The following NME8 variants were observed in gnomAD, a reference collection of about 807,000 sequenced individuals.
NME8 encodes the protein NME/NM23 family member 8.
In NME8, 72 loss-of-function variants were observed where a neutral mutation model predicts 82.3. The ratio of observed to expected loss-of-function variants is 0.87; its 90% confidence interval spans 0.72 to 1.06. NME8 has a LOEUF of 1.06. Ranked by LOEUF, NME8 falls within the 50% of genes least tolerant of loss-of-function variation. The pLI, the probability that NME8 is intolerant of heterozygous loss-of-function variation, is 0.00. For missense variants in NME8, 712 were observed against 685.4 expected (o/e 1.04, Z -0.43); for synonymous variants, 267 against 228.5 (o/e 1.17, Z -1.52).
chr7:37,866,657 G>T (rs1229193593), intron 10 of NME8, among the ~76,000 whole-genome samples: 1 of 152,206 alleles, frequency 6.6e-6, no homozygotes, highest in African/African-American at 2.4e-5. Flanking sequence ...TAGGAGACTA[G>T]TGACTGGGAA....
chr7:37,868,496 C>T (rs1177890093), intron 11 of NME8, among the ~76,000 whole-genome samples: 2 of 152,116 alleles, frequency 1.3e-5, no homozygotes, highest in Non-Finnish European at 2.9e-5. Context: ...CTTCTAAATT[C>T]CTCAGATAAG....
intron 15 of NME8, among the ~76,000 whole-genome samples, chr7:37,889,569 T>C (rs1785097537): frequency 2.6e-5 from 4 of 152,010 alleles, no homozygotes; most frequent in Non-Finnish European, 4.4e-5. Flanking sequence ...TATTGATTAT[T>C]GATAATTAAT....
intron 10 of NME8, among the ~76,000 whole-genome samples, chr7:37,866,043 C>T (rs1784671061): frequency 6.6e-6 from 1 of 151,938 alleles, no homozygotes; most frequent in South Asian, 2.1e-4. Flanking sequence ...CTGCCCCACT[C>T]CTGCCACCTC....
At chr7:37,859,375 C>T (rs906706997) in intron 6 of NME8, among the ~76,000 whole-genome samples, 4 of 152,194 alleles carry the variant, frequency 2.6e-5, no homozygotes, top group Non-Finnish European at 5.9e-5. Flanking sequence ...CCAAACCTTT[C>T]CACTCTATGA....
intron 11 of NME8, among the ~76,000 whole-genome samples, chr7:37,874,183 T>G (rs2598027): frequency 0.45 from 68,827 of 152,024 alleles, 17,738 homozygotes; most frequent in Non-Finnish European, 0.59. Context: ...AAAACAGTTC[T>G]TAACAGTGAA....
chr7:37,898,537 T>C (rs1033918510), intron 17 of NME8, among the ~76,000 whole-genome samples: 5 of 152,188 alleles, frequency 3.3e-5, no homozygotes, highest in Admixed American at 3.3e-4. Flanking sequence ...TATTTAGCCA[T>C]TCAAAGGAAT....
intron 4 of NME8, 41 bp downstream of exon 4, chr7:37,850,476 C>T (rs774819055): frequency 6.2e-7 from 1 of 1,607,156 alleles, no homozygotes; most frequent in South Asian, 1.1e-5. Flanking sequence ...TGGGGTTTGA[C>T]CCGGAGCTCC....
intron 5 of NME8, among the ~76,000 whole-genome samples, chr7:37,853,504 G>A (rs1401056163): frequency 6.6e-6 from 1 of 152,166 alleles, no homozygotes; most frequent in Non-Finnish European, 1.5e-5. Context: ...TATCACAAGT[G>A]TCTAACAGCT....
At chr7:37,888,739 C>T (rs566554729) in intron 15 of NME8, among the ~76,000 whole-genome samples, 8 of 152,088 alleles carry the variant, frequency 5.3e-5, no homozygotes, top group Middle Eastern at 3.4e-3. Context: ...TATATTAGTA[C>T]GGAATATCAT....
At chr7:37,891,061 A>G (rs1389878157) in intron 15 of NME8, among the ~76,000 whole-genome samples, 1 of 151,932 alleles carries the variant, frequency 6.6e-6, no homozygotes, top group East Asian at 1.9e-4. Context: ...TGTATGTTCA[A>G]TAGATATCTT....
At position 37,897,044 on chromosome 7, in the gene NME8, A is replaced by C; in HGVS notation, c.1719A>C (p.Glu573Asp). 1 of 1,613,970 alleles carries C rather than the reference A, an allele frequency of 6.2e-7. No individual in the cohort carries two copies. The highest frequency in any genetic ancestry group is 8.5e-7 in the Non-Finnish European group (1 of 1,179,896). The change falls in exon 17 of 18, where the codon GAA (glutamate) becomes GAC (aspartate). Residue 573 changes from glutamate (E) to aspartate (D), a missense_variant. Glu to Asp is a conservative substitution (Grantham distance 45). Coordinates refer to ENST00000199447, the MANE Select transcript of NME8 (RefSeq NM_016616.5). Reference protein sequence around the residue: ...NIVHGASNAYEAKEVVNRLFE... With the variant: ...NIVHGASNAYDAKEVVNRLFE... ...TCCATGGAGCATCTAACGCCTATGA[A>C]GCAAAAGAGGTTGTTAATAGACTCT...
At chr7:37,878,430 C>T (rs891223686) in intron 12 of NME8, among the ~76,000 whole-genome samples, 1 of 151,988 alleles carries the variant, frequency 6.6e-6, no homozygotes, top group African/African-American at 2.4e-5. Flanking sequence ...ATGTTTTTAT[C>T]TGGTTTTGGT....
chr7:37,874,344 T>C (rs1784816176), intron 11 of NME8, among the ~76,000 whole-genome samples: 1 of 152,174 alleles, frequency 6.6e-6, no homozygotes, highest in Admixed American at 6.5e-5. Context: ...TGGGTGTATG[T>C]GGCAAAATGG....
At chr7:37,879,294 G>A (rs536911015) in intron 12 of NME8, among the ~76,000 whole-genome samples, 1 of 152,154 alleles carries the variant, frequency 6.6e-6, no homozygotes, top group African/African-American at 2.4e-5. Context: ...GATTACAGGT[G>A]TGCCACCATG....
chr7:37,870,780 C>T (rs1023799818), intron 11 of NME8, among the ~76,000 whole-genome samples: 7 of 151,920 alleles, frequency 4.6e-5, no homozygotes, highest in Non-Finnish European at 8.8e-5. Flanking sequence ...GCTTTTTCTC[C>T]AACTAATATA....
At chr7:37,893,603 G>T (rs1785169174) in intron 15 of NME8, among the ~76,000 whole-genome samples, 1 of 152,022 alleles carries the variant, frequency 6.6e-6, no homozygotes, top group Non-Finnish European at 1.5e-5. Context: ...TTTTTACCAT[G>T]CTTAACACAA....
chr7:37,884,487 T>C (rs770453401), intron 13 of NME8, 40 bp downstream of exon 13: 2 of 1,569,800 alleles, frequency 1.3e-6, no homozygotes, highest in Admixed American at 1.7e-5. Context: ...GATTTATTTT[T>C]GAATCATGTA....
At chr7:37,885,629 T>C (rs1269389805) in intron 14 of NME8, among the ~76,000 whole-genome samples, 1 of 152,226 alleles carries the variant, frequency 6.6e-6, no homozygotes, top group Non-Finnish European at 1.5e-5. Flanking sequence ...CAATGATGAC[T>C]AATTGAATAT....
intron 14 of NME8, among the ~76,000 whole-genome samples, chr7:37,887,992 G>A (rs1161318297): frequency 6.6e-6 from 1 of 152,140 alleles, no homozygotes; most frequent in Non-Finnish European, 1.5e-5. Context: ...TGAGAATTGG[G>A]TGGGAACAAA....
Sources: gnomAD v4.1 joint callset for allele counts (sites outside exome capture counted in the v4.1 genomes callset) on GRCh38, gnomAD v4.1.1 for gene constraint, MANE v1.5 for transcripts, NCBI Gene and HGNC (gene_info 2026-07-23, HGNC 2026-07-21) for gene names.